The following ANKS1B variants were observed in gnomAD, a reference collection of about 807,000 sequenced individuals.
The protein encoded by ANKS1B is ankyrin repeat and sterile alpha motif domain-containing protein 1B.
A neutral mutation model predicts 148.3 loss-of-function variants in ANKS1B; 36 were observed. That is an observed-to-expected ratio of 0.24 (90% CI 0.19 to 0.32). The LOEUF (loss-of-function observed/expected upper bound fraction) is 0.32, where lower values mean the gene tolerates loss of function less well. Among genes scored for constraint, ANKS1B ranks in the 10% least tolerant of loss-of-function variants. The pLI is 1.00. For synonymous variants in ANKS1B, 542 were observed against 560.8 expected (o/e 0.97, Z 0.47); for missense variants, 1,157 against 1,542.6 (o/e 0.75, Z 4.19).
chr12:98,985,404 C>T (rs192475278), intron 17 of ANKS1B, among the ~76,000 whole-genome samples: 31 of 151,958 alleles, frequency 2.0e-4, no homozygotes, highest in African/African-American at 7.0e-4. Context: ...GTTTAGTTTC[C>T]CAACTTTCTA....
At chr12:99,385,608 G>T (rs1047549546) in intron 12 of ANKS1B, among the ~76,000 whole-genome samples, 2 of 152,160 alleles carry the variant, frequency 1.3e-5, no homozygotes, top group African/African-American at 4.8e-5. Flanking sequence ...GGCAACCTCA[G>T]GGAACAAACA....
chr12:99,317,439 G>T (rs968403749), intron 12 of ANKS1B, among the ~76,000 whole-genome samples: 4 of 152,266 alleles, frequency 2.6e-5, no homozygotes, highest in African/African-American at 9.6e-5. Flanking sequence ...GTGAATGGGA[G>T]TTCACTCATG....
intron 2 of ANKS1B, among the ~76,000 whole-genome samples, chr12:99,817,704 G>A (rs995961151): frequency 3.3e-5 from 5 of 151,554 alleles, no homozygotes; most frequent in South Asian, 2.1e-4. Context: ...AGTAAAAATC[G>A]TTTTAACTGA....
At chr12:99,378,652 C>CAAAAAAAAAAAAAAAAAAAAAAA (rs140892353) in intron 12 of ANKS1B, among the ~76,000 whole-genome samples, 3 of 90,710 alleles carry the variant, frequency 3.3e-5, no homozygotes, top group South Asian at 4.1e-4. Context: ...GACTCCATCT[C>CAAAAAAAAAAAAAAAAAAAAAAA]AAAAAAAAAA....
At chr12:98,920,938 G>T (rs1312392588) in intron 17 of ANKS1B, among the ~76,000 whole-genome samples, 1 of 152,156 alleles carries the variant, frequency 6.6e-6, no homozygotes, top group African/African-American at 2.4e-5. Context: ...AAGGATGAAA[G>T]CAAGTTAATA....
chr12:99,620,623 C>T (rs1385336504), intron 9 of ANKS1B, among the ~76,000 whole-genome samples: 6 of 152,042 alleles, frequency 3.9e-5, no homozygotes, highest in Non-Finnish European at 5.9e-5. Flanking sequence ...TTGAAAGCTT[C>T]ACCAATTGAC....
At chr12:99,145,543 C>T (rs751699506) in intron 15 of ANKS1B, among the ~76,000 whole-genome samples, 13 of 151,946 alleles carry the variant, frequency 8.6e-5, no homozygotes, top group East Asian at 1.9e-4. Context: ...AAAGTGAATG[C>T]GTATATTTAT....
intron 1 of ANKS1B, among the ~76,000 whole-genome samples, chr12:99,933,185 C>T (rs554657387): frequency 4.6e-5 from 7 of 152,196 alleles, no homozygotes; most frequent in Admixed American, 2.0e-4. Flanking sequence ...AATTTGAATT[C>T]AGATAATGTG....
intron 8 of ANKS1B, among the ~76,000 whole-genome samples, chr12:99,684,868 A>G (rs1435125298): frequency 2.0e-5 from 3 of 152,178 alleles, no homozygotes; most frequent in African/African-American, 7.2e-5. Flanking sequence ...ATAATTGGCA[A>G]GCCACATGTA....
chr12:98,918,432 A>G (rs1050571503), intron 17 of ANKS1B, among the ~76,000 whole-genome samples: 2 of 152,268 alleles, frequency 1.3e-5, no homozygotes, highest in African/African-American at 4.8e-5. Flanking sequence ...AGGTCGTAGC[A>G]GGAAATGAAT....
At chr12:99,228,557 A>C (rs532626529) in intron 14 of ANKS1B, among the ~76,000 whole-genome samples, 26 of 152,186 alleles carry the variant, frequency 1.7e-4, no homozygotes, top group African/African-American at 6.0e-4. Flanking sequence ...AAAGGAAGCA[A>C]AATAGAATTT....
At chr12:99,906,014 T>C (rs1027722507) in intron 1 of ANKS1B, among the ~76,000 whole-genome samples, 10 of 152,170 alleles carry the variant, frequency 6.6e-5, no homozygotes, top group South Asian at 2.1e-4. Context: ...ATAGAGTTAT[T>C]TGGTTTCAGG....
At chr12:99,929,449 C>T (rs2094557494) in intron 1 of ANKS1B, among the ~76,000 whole-genome samples, 1 of 152,080 alleles carries the variant, frequency 6.6e-6, no homozygotes, top group Admixed American at 6.6e-5. Context: ...CTGTAGGTTG[C>T]CTGTTCACTC....
At chr12:99,382,138 G>A (rs1200283854) in intron 12 of ANKS1B, among the ~76,000 whole-genome samples, 2 of 152,166 alleles carry the variant, frequency 1.3e-5, no homozygotes, top group Non-Finnish European at 2.9e-5. Flanking sequence ...TTATCTTATT[G>A]TTCACACACA....
intron 1 of ANKS1B, among the ~76,000 whole-genome samples, chr12:99,913,853 A>C (rs914225863): frequency 1.3e-5 from 2 of 152,180 alleles, no homozygotes. Flanking sequence ...CAAGTAAAAA[A>C]AAATTTATGA....
chr12:99,796,562 A>G (rs1401400926), intron 4 of ANKS1B, among the ~76,000 whole-genome samples: 2 of 151,984 alleles, frequency 1.3e-5, no homozygotes, highest in Non-Finnish European at 2.9e-5. Flanking sequence ...ATATCCTATG[A>G]GAAACATATT....
intron 9 of ANKS1B, among the ~76,000 whole-genome samples, chr12:99,619,057 T>C (rs963929069): frequency 9.2e-5 from 14 of 152,190 alleles, no homozygotes; most frequent in Non-Finnish European, 1.9e-4. Flanking sequence ...ACCTGCTGTG[T>C]GTGTGCCATT....
chr12:99,086,865 T>C (rs1049522430), intron 15 of ANKS1B, among the ~76,000 whole-genome samples: 4 of 152,074 alleles, frequency 2.6e-5, no homozygotes, highest in African/African-American at 9.7e-5. Flanking sequence ...TGACAGAATA[T>C]CCATTTATTT....
At chr12:98,814,851 AACAC>A (rs2099126544) in intron 19 of ANKS1B, among the ~76,000 whole-genome samples, 1 of 152,184 alleles carries the variant, frequency 6.6e-6, no homozygotes, top group African/African-American at 2.4e-5. Context: ...TGGTGAAGTC[AACAC>A]ACATTTGAAG....
Sources: gnomAD v4.1 joint callset for allele counts (sites outside exome capture counted in the v4.1 genomes callset) on GRCh38, gnomAD v4.1.1 for gene constraint, MANE v1.5 for transcripts, NCBI Gene and HGNC (gene_info 2026-07-23, HGNC 2026-07-21) for gene names.